Variants in LAMA3 observed in about 807,000 individuals in gnomAD.
The protein encoded by LAMA3 is laminin subunit alpha 3.
In LAMA3, 281 loss-of-function variants were observed where a neutral mutation model predicts 402.0. That is an observed-to-expected ratio of 0.70 (90% CI 0.63 to 0.77). The LOEUF is 0.77. Ranked by LOEUF, LAMA3 falls within the 30% of genes least tolerant of loss-of-function variation. LAMA3 has a pLI of 0.00. For synonymous variants in LAMA3, 1,431 were observed against 1,558.4 expected, an observed-to-expected ratio of 0.92 and a Z score of 1.93; for missense variants, 3,840 against 4,215.5, an observed-to-expected ratio of 0.91 and a Z score of 2.47.
chr18:23,690,096 A>T, intron 1 of LAMA3, 119 bp downstream of exon 1: 1 of 818,818 alleles, frequency 1.2e-6, no homozygotes, highest in Non-Finnish European at 1.8e-6. Context: ...GCGACTGGGA[A>T]GGGCAGCCCC....
rs2063841162 is a variant in LAMA3 at position 23,847,432 on chromosome 18, C to A, written c.3932-32C>A. 4.4e-6 allele frequency: 7 copies of A among 1,603,894 alleles called. No homozygotes were observed. In the East Asian group the frequency reaches 1.6e-4, roughly 36 times the overall value. ...TGCTGGAGCCCAGGCGGCCTTTGAC[C>A]CTCACATGGTATTTCTTTATCCCCT... On this transcript the variant is annotated intron_variant, in intron 31 of 74. Transcript: ENST00000313654.
In LAMA3 at chr18:23,857,735, A is replaced by G. The variant is rs1380477658; in HGVS notation, c.4137-109A>G. ...GCCTTGGACTATAAGCAGGCATTGT[A>G]TCTATTTAACTGGCTTTGCACACCA... On this transcript the variant is annotated intron_variant, in intron 32 of 74. Transcript: ENST00000313654. 3.0e-6 allele frequency: 4 copies of G among 1,336,576 alleles called. No individual in the cohort carries two copies. In the East Asian group the frequency reaches 6.9e-5, roughly 23 times the overall value. 82.8% of individuals were successfully genotyped at this position (1,336,576 alleles called of 1,614,324 possible).
Position 23,846,466 on chromosome 18 carries a change from AC to A in LAMA3, c.3892del (p.Arg1298AlafsTer25), listed in dbSNP as rs992554430. On this transcript the variant is annotated frameshift_variant, in exon 31 of 75. Coordinates refer to ENST00000313654, the MANE Select transcript of LAMA3 (RefSeq NM_198129.4). LOFTEE classifies it high-confidence loss of function. Reference protein sequence around the residue: ...CQPNVIGRQCTRCATGHYGFP... With the variant: ...CQPNVIGRQCXRCATGHYGFP... ...GCCCAACGTCATCGGGCGGCAGTGC[AC>A]CCGCTGTGCAACAGGCCACTACGGA... The A allele has an allele frequency of 2.5e-6, 4 of 1,612,652 alleles. No individual in the cohort carries two copies. Among genetic ancestry groups the A allele is most frequent in the Admixed American group, 1.7e-5 (1 of 60,006 alleles).
At chr18:23,709,886 C>A in intron 1 of LAMA3, 1 of 735,184 alleles carries the variant, frequency 1.4e-6, no homozygotes, top group East Asian at 2.9e-5. Context: ...GAACATATGC[C>A]TTCTTCTCTC....
intron 19 of LAMA3, among the ~76,000 whole-genome samples, chr18:23,821,272 T>C (rs972780179): frequency 6.6e-6 from 1 of 152,228 alleles, no homozygotes; most frequent in Non-Finnish European, 1.5e-5. Flanking sequence ...TGCATATTTG[T>C]TTTCCATCTG....
chr18:23,872,918 G>A (rs2064572387), intron 38 of LAMA3: 1 of 1,189,944 alleles, frequency 8.4e-7, no homozygotes, highest in Admixed American at 1.9e-5. Flanking sequence ...AAGTTTAAAG[G>A]TGGGGCCCCT....
At chr18:23,710,171 A>ATTT (rs1555675439) in intron 1 of LAMA3, 2 of 684,156 alleles carry the variant, frequency 2.9e-6, no homozygotes, top group Non-Finnish European at 5.4e-6. Context: ...TGACGTGCAG[A>ATTT]TCTTTTTTTG....
At position 23,767,580 on chromosome 18, in the gene LAMA3, T is replaced by TC. The variant is rs373719644; in HGVS notation, c.1182+4057_1182+4058insC. On this transcript the variant is annotated intron_variant, in intron 8 of 74. Transcript: ENST00000313654. ...TTTTTTTCTTTTTTCTTTCTTTTCT[T>TC]TTTTTTTTTTTTTTTTAGACAGAGT... Among the ~76,000 whole-genome samples, 868 of 145,046 alleles carry TC rather than the reference T, an allele frequency of 6.0e-3. 6 individuals are homozygous for TC. The highest frequency in any genetic ancestry group is 8.2e-3 in the South Asian group (37 of 4,536).
In LAMA3 at chr18:23,904,206, G is replaced by A. The variant is rs1422793310; in HGVS notation, c.6473+119G>A. 9 of 1,182,432 alleles carry A rather than the reference G, an allele frequency of 7.6e-6. No individual in the cohort carries two copies. In the East Asian group the frequency reaches 1.4e-4, roughly 19 times the overall value. 73.2% of individuals were successfully genotyped at this position (1,182,432 alleles called of 1,614,324 possible). ...TCTCCAGAACTGGGTGGAGGGCGGA[G>A]GGTGGGGTCAAGGCCAATGCCCCAG... On this transcript the variant is annotated intron_variant, in intron 50 of 74. Transcript: ENST00000313654.
chr18:23,849,165 G>A (rs1041228350), intron 32 of LAMA3, among the ~76,000 whole-genome samples: 1 of 152,188 alleles, frequency 6.6e-6, no homozygotes, highest in Non-Finnish European at 1.5e-5. Context: ...GATCTTTTGT[G>A]GGGATACAAT....
intron 8 of LAMA3, among the ~76,000 whole-genome samples, chr18:23,766,705 G>T (rs1446546635): frequency 6.6e-6 from 1 of 152,202 alleles, no homozygotes; most frequent in Non-Finnish European, 1.5e-5. Flanking sequence ...CAGGCATGGT[G>T]GTGTGCACCT....
intron 1 of LAMA3, among the ~76,000 whole-genome samples, chr18:23,707,455 A>G (rs1327096000): frequency 6.6e-6 from 1 of 152,244 alleles, no homozygotes; most frequent in Non-Finnish European, 1.5e-5. Flanking sequence ...GTCAGTCTGG[A>G]TTCAAGAGCA....
Position 23,753,821 on chromosome 18 carries a change from A to G in LAMA3, c.947+9A>G. On this transcript the variant is annotated intron_variant, in intron 6 of 74. Transcript: ENST00000313654. ...AACAATCCTGAAAAACTGTAAGTAC[A>G]CTGTACAGATTTTTTTCAGCCTTAC... 6.3e-7 allele frequency: 1 copy of G among 1,589,600 alleles called. No homozygotes were observed. The highest frequency in any genetic ancestry group is 8.6e-7 in the Non-Finnish European group (1 of 1,157,774).
At chr18:23,853,008 T>C (rs1379455927) in intron 32 of LAMA3, among the ~76,000 whole-genome samples, 1 of 152,144 alleles carries the variant, frequency 6.6e-6, no homozygotes, top group Non-Finnish European at 1.5e-5. Context: ...ATCATCTCAT[T>C]GGCCAAAGCA....
In LAMA3 at chr18:23,819,830, A is replaced by G; in HGVS notation, c.2148-11A>G. The G allele has an allele frequency of 6.8e-6, 11 of 1,613,108 alleles. No individual in the cohort carries two copies. Among genetic ancestry groups the G allele is most frequent in the Non-Finnish European group, 9.3e-6 (11 of 1,179,088 alleles). The stretch of plus-strand genomic sequence containing the variant: ...AACCTCCTGTATGTGTTTACTTTTT[A>G]ATTATGAAAGGCCTGAAAACAACTA... On this transcript the variant is annotated splice_polypyrimidine_tract_variant and intron_variant, in intron 18 of 74. Transcript: ENST00000313654.
chr18:23,753,676 G>A lies in LAMA3; in HGVS notation c.856-45G>A, dbSNP rs1054966863. 1.4e-5 allele frequency: 20 copies of A among 1,463,714 alleles called. No individual in the cohort carries two copies. The African/African-American group carries it at 2.4e-4, about 17-fold the overall frequency. 90.7% of individuals were successfully genotyped at this position (1,463,714 alleles called of 1,614,324 possible). A position where few individuals can be genotyped will look rare whatever the true frequency, so the allele number is the denominator to read the frequency against. Reference sequence around the variant, plus strand: ...TAAAGACTAGTAAGAGAAAGTTTTTGTCACTGTTCAGTGAAACTTGCATGT... The same window carrying A: ...TAAAGACTAGTAAGAGAAAGTTTTTATCACTGTTCAGTGAAACTTGCATGT... On this transcript the variant is annotated intron_variant, in intron 5 of 74. Transcript: ENST00000313654.
rs370955832 is a variant in LAMA3 at position 23,775,933 on chromosome 18, C to G, written c.1405+10C>G. On this transcript the variant is annotated intron_variant, in intron 10 of 74. Transcript: ENST00000313654. ...TTCCCATTTTGCTTGAGTAAGTACC[C>G]ACTGCAGAACAAGAGGCCACCCTTT... 3 of 1,614,068 alleles carry G rather than the reference C, an allele frequency of 1.9e-6. No individual in the cohort carries two copies. In the East Asian group the frequency reaches 6.7e-5, roughly 36 times the overall value.
At chr18:23,910,809 C>A (rs1475689348) in intron 55 of LAMA3, among the ~76,000 whole-genome samples, 1 of 151,948 alleles carries the variant, frequency 6.6e-6, no homozygotes, top group East Asian at 1.9e-4. Flanking sequence ...GAAAAGAAAG[C>A]AAGTTGTAGA....
At chr18:23,699,210 C>T (rs1480815067) in intron 1 of LAMA3, among the ~76,000 whole-genome samples, 1 of 152,226 alleles carries the variant, frequency 6.6e-6, no homozygotes, top group African/African-American at 2.4e-5. Context: ...GTTCCAGGAA[C>T]TCAGAAAGCC....
Sources: allele counts gnomAD v4.1 joint callset (sites outside exome capture counted in the v4.1 genomes callset), GRCh38; gene constraint gnomAD v4.1.1; transcripts MANE v1.5; gene names NCBI Gene and HGNC (gene_info 2026-07-23, HGNC 2026-07-21).